ZDHHC6: variants seen among roughly 807,000 people sequenced by gnomAD.
ZDHHC6 encodes the protein zDHHC palmitoyltransferase 6.
ZDHHC6 carries 32 observed loss-of-function variants against 57.8 expected under a neutral mutation model. That is an observed-to-expected ratio of 0.55 (90% CI 0.42 to 0.74). ZDHHC6 has a LOEUF of 0.74. Ranked by LOEUF, ZDHHC6 falls within the 30% of genes least tolerant of loss-of-function variation. The probability of loss-of-function intolerance (pLI) is 0.00; values close to 1 mark genes in which losing one functional copy is unlikely to be tolerated. For synonymous variants in ZDHHC6, 128 were observed against 158.0 expected (o/e 0.81, Z 1.42); for missense variants, 433 against 500.7 (o/e 0.86, Z 1.29).
At chr10:112,428,116 G>A (rs1844811776), downstream of ZDHHC6, 1 of 269,960 alleles carries the variant, frequency 3.7e-6, no homozygotes, top group Middle Eastern at 1.1e-3. Context: ...TGCTGAGCTG[G>A]AAGCTGTGGG....
At chr10:112,424,697 A>C (rs1844602944) in exon 12 of ZDHHC6, 2 of 152,174 alleles carry the variant, frequency 1.3e-5, no homozygotes, top group East Asian at 3.8e-4. Flanking sequence ...TAGCATGTGG[A>C]TTTTATTTGC....
At chr10:112,440,822 G>C (rs1846042246) in intron 4 of ZDHHC6, 127 bp from the exon 5 acceptor site, 1 of 642,634 alleles carries the variant, frequency 1.6e-6, no homozygotes, top group African/African-American at 1.9e-5. Flanking sequence ...CGCAAACACA[G>C]CTATTTTTAT....
At chr10:112,430,969 G>A (rs1280231403) in intron 10 of ZDHHC6, 62 bp from the exon 11 acceptor site, 2 of 1,364,752 alleles carry the variant, frequency 1.5e-6, no homozygotes, top group African/African-American at 1.4e-5. Flanking sequence ...ATTACTGAAA[G>A]CAGTAAGTCC....
At chr10:112,432,897 T>C (rs575302351) in intron 8 of ZDHHC6, among the ~76,000 whole-genome samples, 61 of 152,340 alleles carry the variant, frequency 4.0e-4, no homozygotes, top group African/African-American at 1.3e-3. Flanking sequence ...AATTTTTAAA[T>C]TGATTTAATT....
Position 112,430,646 on chromosome 10 carries a change from T to C in ZDHHC6, c.*158A>G. On this transcript the variant is annotated 3_prime_UTR_variant, in exon 11 of 11. Transcript: ENST00000369405. ...GGCATATGCAGAATGGCTTCTCCAT[T>C]TCAAAATGGTAATAAAAATATTTAA... The C allele has an allele frequency of 1.7e-6, 1 of 577,102 alleles. No individual in the cohort carries two copies. The highest frequency in any genetic ancestry group is 3.2e-5 in the East Asian group (1 of 31,658). The allele number at this position is 577,102 out of a possible 1,614,324, so 35.7% of individuals were successfully genotyped here.
intron 8 of ZDHHC6, 61 bp from the exon 9 acceptor site, chr10:112,432,582 C>T: frequency 6.4e-7 from 1 of 1,555,566 alleles, no homozygotes; most frequent in Non-Finnish European, 8.7e-7. Flanking sequence ...AGTTTTAAGT[C>T]TGAATTTCAA....
intron 2 of ZDHHC6, 90 bp downstream of exon 2, chr10:112,445,080 G>T (rs1404083684): frequency 7.1e-6 from 10 of 1,405,244 alleles, no homozygotes; most frequent in Non-Finnish European, 9.6e-6. Flanking sequence ...CAAACAGTAG[G>T]CTGTGTTTGG....
At chr10:112,433,995 G>A (rs954267713) in intron 7 of ZDHHC6, among the ~76,000 whole-genome samples, 2 of 152,074 alleles carry the variant, frequency 1.3e-5, no homozygotes, top group African/African-American at 4.8e-5. Context: ...GGCAAAGTTG[G>A]GTGACAGGAA....
intron 6 of ZDHHC6, among the ~76,000 whole-genome samples, chr10:112,436,434 C>T (rs1439989474): frequency 6.6e-6 from 1 of 152,170 alleles, no homozygotes; most frequent in African/African-American, 2.4e-5. Flanking sequence ...CAAGATTGTG[C>T]CACTGCACTC....
At chr10:112,425,570 A>G, downstream of ZDHHC6, 2 of 1,088,940 alleles carry the variant, frequency 1.8e-6, no homozygotes, top group Non-Finnish European at 2.5e-6. Flanking sequence ...TGGGTTCAGA[A>G]TGAGAAGATC....
chr10:112,439,505 C>T (rs1845870805), intron 5 of ZDHHC6, among the ~76,000 whole-genome samples: 1 of 151,568 alleles, frequency 6.6e-6, no homozygotes, highest in Non-Finnish European at 1.5e-5. Context: ...GTGGCAGGTA[C>T]CTGTAATCCC....
downstream of ZDHHC6, chr10:112,425,648 C>T: frequency 1.7e-6 from 1 of 601,396 alleles, no homozygotes; most frequent in South Asian, 4.2e-5. Flanking sequence ...AAGGCAATTT[C>T]AATTTAAAAA....
intron 3 of ZDHHC6, among the ~76,000 whole-genome samples, chr10:112,442,580 G>A (rs1235732023): frequency 6.6e-6 from 1 of 152,176 alleles, no homozygotes; most frequent in Non-Finnish European, 1.5e-5. Flanking sequence ...CAGCTTCTGA[G>A]GAAAAGATGT....
Position 112,442,382 on chromosome 10 carries a change from G to A in ZDHHC6, c.360-31C>T, listed in dbSNP as rs57563485. On this transcript the variant is annotated intron_variant, in intron 3 of 10. Transcript: ENST00000369405. The stretch of plus-strand genomic sequence containing the variant: ...AAGAAAAATTTACATAAAACATGAG[G>A]CAGAAAATCCTGTCTACTTTAAATA... 663 of 1,589,998 alleles carry A rather than the reference G, an allele frequency of 4.2e-4. 3 individuals carry two copies. The African/African-American group carries it at 8.0e-3, about 19-fold the overall frequency.
chr10:112,426,601 T>C, downstream of ZDHHC6: 2 of 629,896 alleles, frequency 3.2e-6, no homozygotes, highest in South Asian at 4.1e-5. Context: ...GAGAAAACTG[T>C]TAACACTTAG....
At chr10:112,446,185 C>T (rs1221203391) in intron 1 of ZDHHC6, among the ~76,000 whole-genome samples, 1 of 152,116 alleles carries the variant, frequency 6.6e-6, no homozygotes, top group African/African-American at 2.4e-5. Context: ...TCCTCCACCC[C>T]GCCACCCAAA....
Position 112,445,471 on chromosome 10 carries a change from A to T in ZDHHC6, c.-35T>A. On this transcript the variant is annotated 5_prime_UTR_variant, in exon 2 of 11. Transcript: ENST00000369405. Reference sequence around the variant, plus strand: ...GAAGAATGCCTTCCTACTTTAAAAGAATTATAGATTTCCTTTTTCTGTGCG... The same window carrying T: ...GAAGAATGCCTTCCTACTTTAAAAGTATTATAGATTTCCTTTTTCTGTGCG... 5 of 1,598,306 alleles carry T rather than the reference A, an allele frequency of 3.1e-6. No individual in the cohort carries two copies. The highest frequency in any genetic ancestry group is 4.3e-6 in the Non-Finnish European group (5 of 1,171,700).
intron 8 of ZDHHC6, among the ~76,000 whole-genome samples, chr10:112,432,808 A>G (rs1456377561): frequency 2.0e-5 from 3 of 152,384 alleles, no homozygotes; most frequent in African/African-American, 4.8e-5. Context: ...CTGTATGTGT[A>G]GTATCCAATG....
intron 4 of ZDHHC6, 137 bp downstream of exon 4, chr10:112,442,055 T>C (rs1846168297): frequency 9.8e-7 from 1 of 1,024,686 alleles, no homozygotes; most frequent in Non-Finnish European, 1.4e-6. Context: ...GGAACCCATA[T>C]ACCAGTAAAA....
Sources: gnomAD v4.1 joint callset for allele counts (sites outside exome capture counted in the v4.1 genomes callset) on GRCh38, gnomAD v4.1.1 for gene constraint, MANE v1.5 for transcripts, NCBI Gene and HGNC (gene_info 2026-07-23, HGNC 2026-07-21) for gene names.